The following MED17 variants were observed in gnomAD, a reference collection of about 807,000 sequenced individuals.
MED17 encodes mediator complex subunit 17, also known as mediator of RNA polymerase II transcription subunit 17.
A neutral mutation model predicts 80.8 loss-of-function variants in MED17; 49 were observed. The observed-to-expected ratio is 0.61, with a 90% confidence interval of 0.48 to 0.77. The LOEUF is 0.77. Ranked by LOEUF, MED17 falls within the 30% of genes least tolerant of loss-of-function variation. MED17 has a pLI of 0.00. For synonymous variants in MED17, 281 were observed against 280.4 expected, an observed-to-expected ratio of 1.00 and a Z score of -0.02; for missense variants, 718 against 787.0, an observed-to-expected ratio of 0.91 and a Z score of 1.05.
intron 10 of MED17, chr11:93,809,474 T>C (rs1284432734): frequency 5.4e-6 from 3 of 552,704 alleles, no homozygotes; most frequent in Non-Finnish European, 9.8e-6. Flanking sequence ...TTATGTCATA[T>C]GTCTTTGCTT....
chr11:93,807,304 T>C, intron 9 of MED17: 2 of 473,368 alleles, frequency 4.2e-6, no homozygotes, highest in East Asian at 4.1e-5. Flanking sequence ...TCCCAGCTAC[T>C]TGGGAGGCTG....
chr11:93,807,514 A>G lies in MED17; in HGVS notation c.1467-4A>G. The G allele has an allele frequency of 6.6e-7, 1 of 1,525,482 alleles. No homozygotes were observed. The highest frequency in any genetic ancestry group is 9.1e-7 in the Non-Finnish European group (1 of 1,099,430). 94.5% of individuals were successfully genotyped at this position (1,525,482 alleles called of 1,614,324 possible). A position where few individuals can be genotyped will look rare whatever the true frequency, so the allele number is the denominator to read the frequency against. On this transcript the variant is annotated splice_region_variant and splice_polypyrimidine_tract_variant and intron_variant, in intron 9 of 11. Coordinates refer to ENST00000251871, the MANE Select transcript of MED17 (RefSeq NM_004268.5). ...TCTGATTTTTAGTATGTGTGTCTATAAAGGTCCATTCAACTGCAATTGAAT... is the reference window on the plus strand; with the variant it reads ...TCTGATTTTTAGTATGTGTGTCTATGAAGGTCCATTCAACTGCAATTGAAT...
chr11:93,809,548 G>A lies in MED17; in HGVS notation c.1585-169G>A, dbSNP rs78581292. The A allele has an allele frequency of 7.2e-3, 5,070 of 703,894 alleles. 169 individuals carry two copies. The African/African-American group carries it at 0.074, about 10-fold the overall frequency. The allele number at this position is 703,894 out of a possible 1,614,324, so 43.6% of individuals were successfully genotyped here. ...TTTAGCTTTGGCAGTGGAAGGTGGA[G>A]TCCTATTCCCTCCCCCTAAGTTACG... On this transcript the variant is annotated intron_variant, in intron 10 of 11. Coordinates refer to ENST00000251871, the MANE Select transcript of MED17 (RefSeq NM_004268.5).
At chr11:93,792,139 G>A (rs541720780) in intron 3 of MED17, among the ~76,000 whole-genome samples, 3 of 152,272 alleles carry the variant, frequency 2.0e-5, no homozygotes, top group Admixed American at 2.0e-4. Context: ...TGAATATCAG[G>A]GGAGGAGGCA....
chr11:93,807,505 T>G lies in MED17; in HGVS notation c.1467-13T>G. ...TTGAACATCTCTGATTTTTAGTATG[T>G]GTGTCTATAAAGGTCCATTCAACTG... On this transcript the variant is annotated splice_polypyrimidine_tract_variant and intron_variant, in intron 9 of 11. Coordinates refer to ENST00000251871, the MANE Select transcript of MED17 (RefSeq NM_004268.5). The G allele has an allele frequency of 7.2e-7, 1 of 1,387,180 alleles. No homozygotes were observed. The highest frequency in any genetic ancestry group is 1.0e-6 in the Non-Finnish European group (1 of 973,268). The allele number at this position is 1,387,180 out of a possible 1,614,324, so 85.9% of individuals were successfully genotyped here.
At chr11:93,785,741 T>A (rs1483919238) in intron 1 of MED17, among the ~76,000 whole-genome samples, 1 of 152,224 alleles carries the variant, frequency 6.6e-6, no homozygotes, top group East Asian at 1.9e-4. Flanking sequence ...GCATGGTGGC[T>A]CACACCTGTA....
chr11:93,790,606 G>T lies in MED17; in HGVS notation c.450G>T (p.Lys150Asn). The T allele has an allele frequency of 6.2e-7, 1 of 1,614,128 alleles. No homozygotes were observed. ...NPQTLQLISK[K>N]KSLAGAAQIL... ...AGACGTTGCAATTGATATCTAAAAA[G>T]AAGTCACTTGCTGGAGCAGCACAAA... The change falls in exon 3 of 12, where the codon AAG (lysine) becomes AAT (asparagine). Residue 150 changes from lysine (K) to asparagine (N), a missense_variant. By Grantham distance (94) the Lys-to-Asn change is moderately conservative. Coordinates refer to ENST00000251871, the MANE Select transcript of MED17 (RefSeq NM_004268.5).
chr11:93,805,179 A>C (rs1343734461), intron 9 of MED17, among the ~76,000 whole-genome samples: 3 of 152,162 alleles, frequency 2.0e-5, no homozygotes, highest in Non-Finnish European at 4.4e-5. Context: ...TGTATGTCCC[A>C]CACTGTTAAT....
chr11:93,787,865 A>C, intron 1 of MED17, 136 bp from the exon 2 acceptor site: 1 of 772,034 alleles, frequency 1.3e-6, no homozygotes. Flanking sequence ...GGTAGAGGAG[A>C]TGGCATAAAT....
chr11:93,811,960 C>T lies in MED17; in HGVS notation c.1852C>T (p.Leu618Phe), dbSNP rs960230109. Reference protein sequence around the residue: ...DVLQDNKWSHLRGPFKEVQWN... With the variant: ...DVLQDNKWSHFRGPFKEVQWN... ...TTTACAAGATAACAAATGGAGTCATCTTCGTGGGCCATTCAAAGAAGTTCA... is the reference window on the plus strand; with the variant it reads ...TTTACAAGATAACAAATGGAGTCATTTTCGTGGGCCATTCAAAGAAGTTCA... The change falls in exon 12 of 12, where the codon CTT (leucine) becomes TTT (phenylalanine). Residue 618 changes from leucine (L) to phenylalanine (F), a missense_variant. Coordinates refer to ENST00000251871, the MANE Select transcript of MED17 (RefSeq NM_004268.5). 5.0e-6 allele frequency: 8 copies of T among 1,613,924 alleles called. No individual in the cohort carries two copies. In the Admixed American group the frequency reaches 6.7e-5, roughly 13 times the overall value.
intron 1 of MED17, 143 bp from the exon 2 acceptor site, chr11:93,787,858 A>G: frequency 1.4e-6 from 1 of 737,974 alleles, no homozygotes. Context: ...AAGAAACGGT[A>G]GAGGAGATGG....
At chr11:93,796,347 G>T in intron 6 of MED17, 63 bp from the exon 7 acceptor site, 1 of 1,386,162 alleles carries the variant, frequency 7.2e-7, no homozygotes, top group East Asian at 2.3e-5. Flanking sequence ...ACTTTATGAA[G>T]ACAGTTTATG....
intron 10 of MED17, chr11:93,808,394 G>A (rs1944050222): frequency 1.4e-5 from 2 of 145,554 alleles, no homozygotes; most frequent in Non-Finnish European, 3.0e-5. Context: ...AAAAAAAAAG[G>A]TGATGTGTTC....
chr11:93,811,516 C>CA, intron 11 of MED17: 1 of 296,186 alleles, frequency 3.4e-6, no homozygotes, highest in Admixed American at 5.0e-5. Flanking sequence ...AACCGCCTCC[C>CA]AAAAAAAGCT....
rs1591393522 is a variant in MED17 at position 93,813,777 on chromosome 11, G to A, written c.*1713G>A. ...CTGTTCCCCAGGCTGGAGTGCAGCAGCACTGTTTTGGCTCACTGCAACCTC... is the reference window on the plus strand; with the variant it reads ...CTGTTCCCCAGGCTGGAGTGCAGCAACACTGTTTTGGCTCACTGCAACCTC... On this transcript the variant is annotated 3_prime_UTR_variant, in exon 12 of 12. Coordinates refer to ENST00000251871, the MANE Select transcript of MED17 (RefSeq NM_004268.5). 6.6e-6 allele frequency: 1 copy of A among 152,224 alleles called. No individual in the cohort carries two copies. The highest frequency in any genetic ancestry group is 1.9e-4 in the East Asian group (1 of 5,196). 9.4% of individuals were successfully genotyped at this position (152,224 alleles called of 1,614,324 possible). A position where few individuals can be genotyped will look rare whatever the true frequency, so the allele number is the denominator to read the frequency against.
At chr11:93,795,715 AG>A (rs1211085891) in intron 6 of MED17, 1 of 153,708 alleles carries the variant, frequency 6.5e-6, no homozygotes, top group East Asian at 1.9e-4. Context: ...CTGTCGTCTT[AG>A]AAGGAAGTAG....
chr11:93,793,658 A>G (rs536932449), intron 3 of MED17, 70 bp from the exon 4 acceptor site: 14 of 1,129,508 alleles, frequency 1.2e-5, no homozygotes, highest in Admixed American at 1.1e-4. Flanking sequence ...GAAGTATTAT[A>G]TATTTAATAA....
At chr11:93,801,736 T>G in intron 8 of MED17, 99 bp from the exon 9 acceptor site, 1 of 1,156,404 alleles carries the variant, frequency 8.6e-7, no homozygotes, top group Non-Finnish European at 1.3e-6. Context: ...TTTAAAAAAG[T>G]AGTTAGTTTT....
chr11:93,804,621 A>G (rs910453647), intron 9 of MED17, among the ~76,000 whole-genome samples: 1 of 152,156 alleles, frequency 6.6e-6, no homozygotes, highest in Non-Finnish European at 1.5e-5. Flanking sequence ...TTACATATGC[A>G]TGTAGAAGTT....
Sources: gnomAD v4.1 joint callset for allele counts (sites outside exome capture counted in the v4.1 genomes callset) on GRCh38, gnomAD v4.1.1 for gene constraint, MANE v1.5 for transcripts, NCBI Gene and HGNC (gene_info 2026-07-23, HGNC 2026-07-21) for gene names.